The following RFPL1 variants were observed in gnomAD, a reference collection of about 807,000 sequenced individuals.
RFPL1 encodes the protein ret finger protein like 1, also known as ret finger protein-like 1.
Under a neutral mutation model 9.6 loss-of-function variants are expected in RFPL1, and 6 were observed. The observed-to-expected ratio is 0.62, with a 90% CI of 0.34 to 1.23. The LOEUF (loss-of-function observed/expected upper bound fraction) is 1.23. Among genes scored for constraint, RFPL1 ranks in the 50% most tolerant of loss-of-function variants. The pLI is 0.03. For missense variants in RFPL1, 352 were observed against 398.4 expected (o/e 0.88, Z 0.99); for synonymous variants, 145 against 149.4 (o/e 0.97, Z 0.22).
chr22:29,434,165 TAATA>T (rs958257288), upstream of RFPL1, among the ~76,000 whole-genome samples: 2 of 152,180 alleles, frequency 1.3e-5, no homozygotes, highest in East Asian at 1.9e-4. Flanking sequence ...TCTAATAGTA[TAATA>T]AATAGTTTTT....
At chr22:29,420,652 T>G in the RFPL1 span, among the ~76,000 whole-genome samples, 1 of 140,040 alleles carries the variant, frequency 7.1e-6, no homozygotes, top group African/African-American at 2.7e-5. Context: ...TTTTTTTTTT[T>G]TTTTTTGAGA....
At chr22:29,399,161 G>A in the RFPL1 span, among the ~76,000 whole-genome samples, 3 of 151,848 alleles carry the variant, frequency 2.0e-5, no homozygotes, top group Admixed American at 1.3e-4. Flanking sequence ...ATTAATTTAA[G>A]TCACATTACT....
the RFPL1 span, among the ~76,000 whole-genome samples, chr22:29,410,583 C>CTATCTATATATAGATATATA: frequency 2.6e-5 from 2 of 76,006 alleles, no homozygotes; most frequent in Non-Finnish European, 4.6e-5. Flanking sequence ...GTAGATATAT[C>CTATCTATATATAGATATATA]TATCTATATA....
At position 29,442,045 on chromosome 22, in the gene RFPL1, A is replaced by AC. The variant is rs746765564; in HGVS notation, c.877_878insC (p.Lys293ThrfsTer16). Reference sequence around the variant, plus strand: ...TCCTCCAAGTCCACCTAATGGTGATAAGAGTGTCTTGAGTATCTGTCCTGT... The same window carrying AC: ...TCCTCCAAGTCCACCTAATGGTGATACAGAGTGTCTTGAGTATCTGTCCTGT... On this transcript the variant is annotated frameshift_variant, in exon 2 of 2. Coordinates refer to ENST00000354373, the Ensembl canonical transcript of RFPL1. LOFTEE classifies it low-confidence loss of function (END_TRUNC). 11 of 1,613,930 alleles carry AC rather than the reference A, an allele frequency of 6.8e-6. No homozygotes were observed. The Admixed American group carries it at 1.8e-4, about 27-fold the overall frequency.
the RFPL1 span, among the ~76,000 whole-genome samples, chr22:29,428,552 C>T: frequency 1.3e-5 from 2 of 152,332 alleles, no homozygotes; most frequent in East Asian, 3.9e-4. Flanking sequence ...ACATTCTTCT[C>T]CTCAGCACAT....
chr22:29,404,511 GT>G, the RFPL1 span, among the ~76,000 whole-genome samples: 1 of 152,158 alleles, frequency 6.6e-6, no homozygotes, highest in East Asian at 1.9e-4. Flanking sequence ...TATAAAGTGA[GT>G]TTTTCAAGGT....
the RFPL1 span, among the ~76,000 whole-genome samples, chr22:29,427,497 C>A: frequency 6.6e-6 from 1 of 152,340 alleles, no homozygotes; most frequent in African/African-American, 2.4e-5. Context: ...CATCAGACAA[C>A]CAATGGATGC....
chr22:29,421,301 T>A, the RFPL1 span, among the ~76,000 whole-genome samples: 4 of 152,040 alleles, frequency 2.6e-5, no homozygotes, highest in African/African-American at 4.8e-5. Context: ...AATAAAAAAA[T>A]TAGCTCGGCA....
the RFPL1 span, among the ~76,000 whole-genome samples, chr22:29,422,225 C>A: frequency 6.6e-6 from 1 of 152,198 alleles, no homozygotes; most frequent in East Asian, 1.9e-4. Context: ...GGGTGGATCA[C>A]TTGAGGTCAG....
At chr22:29,406,366 T>C in the RFPL1 span, among the ~76,000 whole-genome samples, 1 of 151,926 alleles carries the variant, frequency 6.6e-6, no homozygotes, top group Non-Finnish European at 1.5e-5. Flanking sequence ...TTTATCTGTA[T>C]CTCATCCTTT....
chr22:29,437,950 G>T, upstream of RFPL1: 28 of 366,954 alleles, frequency 7.6e-5, no homozygotes, highest in Non-Finnish European at 9.3e-5. Context: ...GGAGAAGGAT[G>T]TGATTTTTTT....
chr22:29,442,433 G>A (rs2062845455), exon 2 of RFPL1: 2 of 204,110 alleles, frequency 9.8e-6, no homozygotes, highest in East Asian at 2.1e-4. Context: ...GAAGTTATGA[G>A]TTAAATAAAC....
At chr22:29,410,569 T>TAG in the RFPL1 span, among the ~76,000 whole-genome samples, 2 of 86,228 alleles carry the variant, frequency 2.3e-5, no homozygotes, top group Non-Finnish European at 5.5e-5. Context: ...TAGATATATA[T>TAG]ATTGTAGATA....
chr22:29,394,483 C>T, the RFPL1 span, among the ~76,000 whole-genome samples: 1 of 152,252 alleles, frequency 6.6e-6, no homozygotes, highest in African/African-American at 2.4e-5. Context: ...GCTGGGATTA[C>T]AGGCACCCAC....
Position 29,442,031 on chromosome 22 carries a change from C to T in RFPL1, c.863C>T (p.Pro288Leu), listed in dbSNP as rs1481946913. 1 of 1,613,854 alleles carries T rather than the reference C, an allele frequency of 6.2e-7. No homozygotes were observed. The highest frequency in any genetic ancestry group is 2.2e-5 in the East Asian group (1 of 44,884). The change falls in exon 2 of 2, where the codon CCA becomes CTA. Residue 288 changes from proline to leucine, a missense_variant. Pro to Leu is a moderately conservative substitution (Grantham distance 98, BLOSUM62 -3). Coordinates refer to ENST00000354373, the Ensembl canonical transcript of RFPL1. Reference sequence around the variant, plus strand: ...CACTTGTTTTTTGCTCCTCCAAGTCCACCTAATGGTGATAAGAGTGTCTTG... The same window carrying T: ...CACTTGTTTTTTGCTCCTCCAAGTCTACCTAATGGTGATAAGAGTGTCTTG...
chr22:29,399,433 A>G, the RFPL1 span, among the ~76,000 whole-genome samples: 2 of 152,244 alleles, frequency 1.3e-5, no homozygotes, highest in African/African-American at 4.8e-5. Flanking sequence ...CCTCAAGTCC[A>G]TAAGAATCAT....
the RFPL1 span, among the ~76,000 whole-genome samples, chr22:29,421,956 G>A: frequency 6.6e-6 from 1 of 152,156 alleles, no homozygotes; most frequent in African/African-American, 2.4e-5. Context: ...CCTGATAAGG[G>A]GCAGACTTCG....
At chr22:29,394,770 A>G in the RFPL1 span, among the ~76,000 whole-genome samples, 1 of 152,202 alleles carries the variant, frequency 6.6e-6, no homozygotes, top group Non-Finnish European at 1.5e-5. Context: ...GGTAGATGCT[A>G]AGATAACCCC....
At chr22:29,442,186 C>A (rs748220515) in exon 2 of RFPL1, 1 of 1,223,700 alleles carries the variant, frequency 8.2e-7, no homozygotes, top group South Asian at 1.7e-5. Flanking sequence ...GACTTAGGAA[C>A]GCTCTACTCG....
Sources: allele counts gnomAD v4.1 joint callset (sites outside exome capture counted in the v4.1 genomes callset), GRCh38; gene constraint gnomAD v4.1.1; transcripts MANE v1.5; gene names NCBI Gene and HGNC (gene_info 2026-07-23, HGNC 2026-07-21).